The following LGR6 variants were observed in gnomAD, a reference collection of about 807,000 sequenced individuals.
LGR6 encodes the protein leucine-rich repeat-containing G protein-coupled receptor 6.
A neutral mutation model predicts 69.4 loss-of-function variants in LGR6; 45 were observed. That is an observed-to-expected ratio of 0.65 (90% CI 0.51 to 0.83). The LOEUF (loss-of-function observed/expected upper bound fraction) is 0.83. Ranked by LOEUF, LGR6 falls within the 40% of genes least tolerant of loss-of-function variation. LGR6 has a pLI of 0.00. For missense variants in LGR6, 1,108 were observed against 1,246.7 expected, an observed-to-expected ratio of 0.89 and a Z score of 1.68; for synonymous variants, 538 against 555.0, an observed-to-expected ratio of 0.97 and a Z score of 0.43.
chr1:202,240,753 G>C (rs1662122307), intron 4 of LGR6, among the ~76,000 whole-genome samples: 1 of 152,148 alleles, frequency 6.6e-6, no homozygotes, highest in South Asian at 2.1e-4. Flanking sequence ...AGCAGGCCCA[G>C]GTGGCTAGGC....
chr1:202,227,693 C>T lies in LGR6; in HGVS notation c.285-243C>T, dbSNP rs147938999. 5.6e-3 allele frequency among the ~76,000 whole-genome samples: 853 copies of T among 152,252 alleles called. 43 individuals are homozygous for T. Among genetic ancestry groups the T allele is most frequent in the Admixed American group, 0.049 (750 of 15,300 alleles). ...GACTGGTTCTGTGACCCCTAGGGGA[C>T]GTGGTTGACTTCTCCTAGCCTCAGT... is the stretch of plus-strand genomic sequence containing the variant. On this transcript the variant is annotated intron_variant, in intron 2 of 17. Transcript: ENST00000367278.
At chr1:202,199,605 C>T (rs1388094579) in intron 1 of LGR6, among the ~76,000 whole-genome samples, 1 of 115,026 alleles carries the variant, frequency 8.7e-6, no homozygotes, top group African/African-American at 3.3e-5. Context: ...ATTCCATGGG[C>T]TCTCAACCCT....
At chr1:202,302,996 T>G (rs946126958) in intron 9 of LGR6, among the ~76,000 whole-genome samples, 9 of 152,260 alleles carry the variant, frequency 5.9e-5, no homozygotes, top group East Asian at 1.9e-4. Flanking sequence ...CCATGTTGCT[T>G]GCATGTGGGG....
At chr1:202,285,712 C>G (rs750488436) in intron 6 of LGR6, among the ~76,000 whole-genome samples, 1 of 152,174 alleles carries the variant, frequency 6.6e-6, no homozygotes, top group Non-Finnish European at 1.5e-5. Context: ...TGTGTCTCAT[C>G]TCCTCTGTAG....
intron 12 of LGR6, 63 bp from the exon 13 acceptor site, chr1:202,306,805 G>A (rs1285581858): frequency 2.1e-6 from 3 of 1,453,826 alleles, no homozygotes; most frequent in Non-Finnish European, 9.7e-7. Flanking sequence ...CAGTGCTCGG[G>A]GGGCATGGAG....
chr1:202,266,486 G>C (rs1251603700), intron 4 of LGR6, among the ~76,000 whole-genome samples: 4 of 141,480 alleles, frequency 2.8e-5, no homozygotes, highest in Non-Finnish European at 6.1e-5. Flanking sequence ...CCCCACCAGA[G>C]TGGTCTTTCT....
chr1:202,283,043 ATC>A lies in LGR6; in HGVS notation c.716+2193_716+2194del, dbSNP rs1469546220. On this transcript the variant is annotated intron_variant, in intron 6 of 17. Coordinates refer to ENST00000367278, the MANE Select transcript of LGR6 (RefSeq NM_001017403.2). ...TGCCTCTGTGAGTCTCCGTTTTCTA[ATC>A]TGAAACATAATGCCAGTAATAGTTA... Among the ~76,000 whole-genome samples the A allele has an allele frequency of 1.4e-4, 22 of 152,340 alleles. No homozygotes were observed. The South Asian group carries it at 2.3e-3, about 16-fold the overall frequency.
At chr1:202,247,796 G>A (rs770901809) in intron 4 of LGR6, among the ~76,000 whole-genome samples, 1 of 152,306 alleles carries the variant, frequency 6.6e-6, no homozygotes, top group South Asian at 2.1e-4. Flanking sequence ...CCATCATGAC[G>A]TTTTCTGGGA....
At chr1:202,301,652 T>C (rs1053626335) in intron 9 of LGR6, among the ~76,000 whole-genome samples, 2 of 152,222 alleles carry the variant, frequency 1.3e-5, no homozygotes, top group African/African-American at 4.8e-5. Flanking sequence ...GTTATCACCC[T>C]TGGCCTGAAG....
At chr1:202,200,595 G>A (rs1004948742) in intron 1 of LGR6, among the ~76,000 whole-genome samples, 3 of 152,178 alleles carry the variant, frequency 2.0e-5, no homozygotes, top group Admixed American at 2.0e-4. Context: ...GTTGGAAATG[G>A]CAACTTCTTT....
chr1:202,296,531 G>A (rs1667174008), intron 6 of LGR6, among the ~76,000 whole-genome samples: 1 of 152,074 alleles, frequency 6.6e-6, no homozygotes, highest in African/African-American at 2.4e-5. Flanking sequence ...CCTGCCTTTG[G>A]GGCTCTTTTC....
At chr1:202,228,263 A>G (rs1438250609) in intron 3 of LGR6, among the ~76,000 whole-genome samples, 1 of 152,250 alleles carries the variant, frequency 6.6e-6, no homozygotes, top group Admixed American at 6.5e-5. Context: ...TAAAAAAATT[A>G]AAGTGTATAA....
chr1:202,234,378 T>C (rs1275810345), intron 3 of LGR6, among the ~76,000 whole-genome samples: 1 of 152,204 alleles, frequency 6.6e-6, no homozygotes, highest in East Asian at 1.9e-4. Context: ...ATTCTTTTGT[T>C]CTTGTGATGC....
intron 3 of LGR6, among the ~76,000 whole-genome samples, chr1:202,233,770 T>C (rs565359584): frequency 6.6e-6 from 1 of 152,362 alleles, no homozygotes; most frequent in South Asian, 2.1e-4. Context: ...ACTTGTCCTC[T>C]GTGTGAGACA....
intron 1 of LGR6, among the ~76,000 whole-genome samples, chr1:202,224,815 TG>T (rs1660400008): frequency 6.6e-6 from 1 of 152,148 alleles, no homozygotes; most frequent in South Asian, 2.1e-4. Context: ...TGGGGACCCC[TG>T]GACTAAGGGA....
At chr1:202,205,082 CCA>C (rs1240547455) in intron 1 of LGR6, among the ~76,000 whole-genome samples, 8 of 19,210 alleles carry the variant, frequency 4.2e-4, no homozygotes, top group African/African-American at 1.1e-3. Context: ...CACACCTCCT[CCA>C]CACACACACA....
chr1:202,262,451 T>TCTGTTTTGGTACCAGTACCATG (rs1664310281), intron 4 of LGR6, among the ~76,000 whole-genome samples: 4 of 152,054 alleles, frequency 2.6e-5, no homozygotes. Flanking sequence ...GATCTATATC[T>TCTGTTTTGGTACCAGTACCATG]CTGTTTTGGT....
rs1288302276 is a variant in LGR6 at position 202,249,092 on chromosome 1, G to A, written c.428+13099G>A. On this transcript the variant is annotated intron_variant, in intron 4 of 17. Transcript: ENST00000367278. Reference sequence around the variant, plus strand: ...CAGGGCCACCAGTACCACTCACCGAGGCTCCACTGCAGCCGACTCCTGACT... The same window carrying A: ...CAGGGCCACCAGTACCACTCACCGAAGCTCCACTGCAGCCGACTCCTGACT... Among the ~76,000 whole-genome samples the A allele has an allele frequency of 2.6e-5, 4 of 152,204 alleles. No homozygotes were observed. In the South Asian group the frequency reaches 8.3e-4, roughly 32 times the overall value.
chr1:202,303,884 G>T (rs1029731850), intron 10 of LGR6, among the ~76,000 whole-genome samples: 11 of 152,186 alleles, frequency 7.2e-5, no homozygotes, highest in Admixed American at 2.0e-4. Context: ...GCACCACTGG[G>T]ACTGGGGCTC....
Sources: gnomAD v4.1 joint callset for allele counts (sites outside exome capture counted in the v4.1 genomes callset) on GRCh38, gnomAD v4.1.1 for gene constraint, MANE v1.5 for transcripts, NCBI Gene and HGNC (gene_info 2026-07-23, HGNC 2026-07-21) for gene names.